The following HDAC9 variants were observed in gnomAD, a reference collection of about 807,000 sequenced individuals.
The protein encoded by HDAC9 is histone deacetylase 9.
Under a neutral mutation model 139.4 loss-of-function variants are expected in HDAC9, and 41 were observed. The ratio of observed to expected loss-of-function variants is 0.29; its 90% CI spans 0.23 to 0.38. The LOEUF is 0.38. HDAC9 is among the 10% of genes least tolerant of loss of function. The probability of loss-of-function intolerance (pLI) is 1.00; values close to 1 mark genes in which losing one functional copy is unlikely to be tolerated. For missense variants in HDAC9, 1,147 were observed against 1,297.0 expected (o/e 0.88, Z 1.78); for synonymous variants, 517 against 476.2 (o/e 1.09, Z -1.12).
chr7:18,161,095 A>C (rs1307358765), intron 1 of HDAC9, among the ~76,000 whole-genome samples: 1 of 152,222 alleles, frequency 6.6e-6, no homozygotes, highest in Non-Finnish European at 1.5e-5. Flanking sequence ...GAGATTTATA[A>C]AAATGTACAT....
intron 2 of HDAC9, among the ~76,000 whole-genome samples, chr7:18,506,596 G>T (rs868095150): frequency 6.6e-6 from 1 of 151,182 alleles, no homozygotes; most frequent in African/African-American, 2.4e-5. Flanking sequence ...CATGAAGCTT[G>T]GGTTTAAGAA....
At chr7:18,268,998 A>C (rs1161311399) in intron 2 of HDAC9, among the ~76,000 whole-genome samples, 2 of 152,192 alleles carry the variant, frequency 1.3e-5, no homozygotes, top group African/African-American at 2.4e-5. Context: ...ATTACACAAA[A>C]TCAGGATTCT....
chr7:18,415,844 T>A (rs982189745), intron 1 of HDAC9, among the ~76,000 whole-genome samples: 4 of 152,242 alleles, frequency 2.6e-5, no homozygotes, highest in Non-Finnish European at 5.9e-5. Flanking sequence ...GTTATATCTT[T>A]ACTGTATTCT....
intron 6 of HDAC9, among the ~76,000 whole-genome samples, chr7:18,597,993 G>A (rs1286126012): frequency 6.6e-6 from 1 of 152,156 alleles, no homozygotes; most frequent in African/African-American, 2.4e-5. Flanking sequence ...CTGGAACGAA[G>A]GCAGAGATTA....
intron 2 of HDAC9, among the ~76,000 whole-genome samples, chr7:18,280,116 G>A (rs555551598): frequency 6.6e-6 from 1 of 152,154 alleles, no homozygotes; most frequent in Non-Finnish European, 1.5e-5. Context: ...TATTGAAAAA[G>A]ACAGGATAGG....
intron 13 of HDAC9, among the ~76,000 whole-genome samples, chr7:18,734,429 T>C (rs936918551): frequency 2.0e-5 from 3 of 152,048 alleles, no homozygotes; most frequent in African/African-American, 7.2e-5. Context: ...CCGCCCTGAG[T>C]CCAAGTGTTC....
At chr7:18,866,754 A>T (rs748354243) in intron 21 of HDAC9, among the ~76,000 whole-genome samples, 1 of 152,190 alleles carries the variant, frequency 6.6e-6, no homozygotes, top group Non-Finnish European at 1.5e-5. Context: ...TTCTGGTCCT[A>T]TGGGAGTTCC....
At chr7:18,547,855 C>CCTTCCTTCCTTT (rs1322457363) in intron 2 of HDAC9, among the ~76,000 whole-genome samples, 1 of 135,850 alleles carries the variant, frequency 7.4e-6, no homozygotes, top group Non-Finnish European at 1.6e-5. Context: ...TTCCTTCCTT[C>CCTTCCTTCCTTT]CTACCCTCCC....
intron 1 of HDAC9, among the ~76,000 whole-genome samples, chr7:18,116,240 T>C (rs1783974793): frequency 6.6e-6 from 1 of 152,170 alleles, no homozygotes; most frequent in Non-Finnish European, 1.5e-5. Flanking sequence ...GAATAAGAAA[T>C]AAATTTATAT....
intron 2 of HDAC9, among the ~76,000 whole-genome samples, chr7:18,577,558 C>T (rs1563347117): frequency 2.0e-5 from 3 of 152,180 alleles, no homozygotes; most frequent in Non-Finnish European, 4.4e-5. Context: ...AACCTGATTA[C>T]CTTGCCCTAC....
intron 12 of HDAC9, among the ~76,000 whole-genome samples, chr7:18,707,885 GCATACA>G (rs1784058639): frequency 6.9e-6 from 1 of 145,812 alleles, no homozygotes; most frequent in South Asian, 2.2e-4. Flanking sequence ...GTATGCACGT[GCATACA>G]TGTGTGTGTC....
chr7:18,220,685 A>G (rs1004089765), intron 2 of HDAC9, among the ~76,000 whole-genome samples: 24 of 152,184 alleles, frequency 1.6e-4, no homozygotes, highest in Admixed American at 5.9e-4. Flanking sequence ...TGATCAGAAT[A>G]CTGAGAACCT....
chr7:18,536,850 A>T (rs1027548996), intron 2 of HDAC9, among the ~76,000 whole-genome samples: 1 of 152,222 alleles, frequency 6.6e-6, no homozygotes, highest in African/African-American at 2.4e-5. Flanking sequence ...AGTTAGTTAT[A>T]GTTACTACTC....
At chr7:18,340,679 G>T (rs747011970) in intron 1 of HDAC9, among the ~76,000 whole-genome samples, 43 of 147,472 alleles carry the variant, frequency 2.9e-4, no homozygotes, top group Non-Finnish European at 5.9e-4. Context: ...TGCTGTCATT[G>T]TCATAGATTT....
chr7:18,456,068 CAT>C (rs1180569388), intron 1 of HDAC9, among the ~76,000 whole-genome samples: 2 of 152,268 alleles, frequency 1.3e-5, no homozygotes, highest in East Asian at 1.9e-4. Flanking sequence ...AATGTAATGA[CAT>C]ATTACATAAA....
chr7:18,593,848 G>C, intron 5 of HDAC9, 60 bp from the exon 6 acceptor site: 1 of 1,589,156 alleles, frequency 6.3e-7, no homozygotes, highest in Non-Finnish European at 8.6e-7. Context: ...GCTGATTATT[G>C]CTGACCAATA....
intron 1 of HDAC9, among the ~76,000 whole-genome samples, chr7:18,398,167 C>G (rs552073837): frequency 5.3e-5 from 8 of 152,150 alleles, no homozygotes; most frequent in Non-Finnish European, 1.2e-4. Flanking sequence ...TGAGTATTTT[C>G]CACAACTGCT....
chr7:18,759,367 G>T (rs764090769), intron 14 of HDAC9, among the ~76,000 whole-genome samples: 3 of 152,070 alleles, frequency 2.0e-5, no homozygotes, highest in Non-Finnish European at 4.4e-5. Flanking sequence ...TCTGAGAACA[G>T]CAGCGACATT....
chr7:18,719,751 G>C (rs1292218244), intron 12 of HDAC9, among the ~76,000 whole-genome samples: 1 of 152,042 alleles, frequency 6.6e-6, no homozygotes, highest in Non-Finnish European at 1.5e-5. Flanking sequence ...TCTTACATTT[G>C]GTTCCATGAT....
Sources: allele counts gnomAD v4.1 joint callset (sites outside exome capture counted in the v4.1 genomes callset), GRCh38; gene constraint gnomAD v4.1.1; transcripts MANE v1.5; gene names NCBI Gene and HGNC (gene_info 2026-07-23, HGNC 2026-07-21).